Variants in RYR2 observed in about 807,000 individuals in gnomAD.
The protein encoded by RYR2 is cardiac muscle ryanodine receptor-calcium release channel.
RYR2 carries 227 observed loss-of-function variants against 601.1 expected under a neutral mutation model. The ratio of observed to expected loss-of-function variants is 0.38; its 90% confidence interval spans 0.34 to 0.42. The LOEUF is 0.42. RYR2 is among the 10% of genes least tolerant of loss of function. The pLI, the probability that RYR2 is intolerant of heterozygous loss-of-function variation, is 1.00. For synonymous variants in RYR2, 2,223 were observed against 2,175.1 expected (o/e 1.02, Z -0.61); for missense variants, 4,646 against 6,156.5 (o/e 0.75, Z 8.21).
intron 16 of RYR2, 26 bp from the exon 17 acceptor site, chr1:237,469,066 G>T (rs1320893787): frequency 1.9e-6 from 3 of 1,591,512 alleles, no homozygotes; most frequent in South Asian, 1.1e-5. Context: ...ATCACATAAA[G>T]GTGAAATCTA....
intron 10 of RYR2, among the ~76,000 whole-genome samples, chr1:237,397,858 A>G (rs531101176): frequency 6.6e-6 from 1 of 151,886 alleles, no homozygotes; most frequent in South Asian, 2.1e-4. Flanking sequence ...AGTAGCTGGG[A>G]CTACAGGCAC....
chr1:237,605,312 C>A (rs189082648), intron 35 of RYR2, among the ~76,000 whole-genome samples: 1 of 152,160 alleles, frequency 6.6e-6, no homozygotes, highest in African/African-American at 2.4e-5. Context: ...ACAGAACCAA[C>A]GACAAAAACC....
At chr1:237,085,899 G>A (rs893601750) in intron 1 of RYR2, among the ~76,000 whole-genome samples, 12 of 152,204 alleles carry the variant, frequency 7.9e-5, no homozygotes, top group African/African-American at 1.7e-4. Context: ...GACCACAGGC[G>A]TGTGCCGCTA....
chr1:237,187,173 CTTTT>C (rs71178402), intron 1 of RYR2, among the ~76,000 whole-genome samples: 2 of 146,644 alleles, frequency 1.4e-5, no homozygotes, highest in Non-Finnish European at 3.0e-5. Flanking sequence ...GTCACATAGA[CTTTT>C]TTTTTTTTTT....
intron 1 of RYR2, among the ~76,000 whole-genome samples, chr1:237,196,698 A>T (rs1010345999): frequency 1.3e-5 from 2 of 152,166 alleles, no homozygotes; most frequent in African/African-American, 4.8e-5. Flanking sequence ...ATAAGTCTTG[A>T]TGAGAAGTAC....
intron 25 of RYR2, among the ~76,000 whole-genome samples, chr1:237,540,838 A>G (rs1403580827): frequency 1.3e-5 from 2 of 152,128 alleles, no homozygotes; most frequent in African/African-American, 4.8e-5. Context: ...GTGACAGGAA[A>G]CAAGGTGATA....
Position 237,058,712 on chromosome 1 carries a change from C to T in RYR2, c.48+16143C>T, listed in dbSNP as rs112107303. Among the ~76,000 whole-genome samples the T allele has an allele frequency of 5.9e-3, 874 of 147,158 alleles. 4 individuals are homozygous for T. Among genetic ancestry groups the T allele is most frequent in the African/African-American group, 0.02 (822 of 40,242 alleles). On this transcript the variant is annotated intron_variant, in intron 1 of 104. Transcript: ENST00000366574. ...GGGCCGGATTACTTGAGCCCAGAAG[C>T]TTGAGACCAGCCTTCCTTCCTCCCC...
intron 1 of RYR2, among the ~76,000 whole-genome samples, chr1:237,148,576 A>G (rs1674344473): frequency 6.9e-6 from 1 of 144,146 alleles, no homozygotes; most frequent in African/African-American, 2.6e-5. Flanking sequence ...ATATATATAT[A>G]TACACACACA....
At chr1:237,204,402 C>T (rs528019381) in intron 1 of RYR2, among the ~76,000 whole-genome samples, 1 of 151,552 alleles carries the variant, frequency 6.6e-6, no homozygotes, top group East Asian at 1.9e-4. Context: ...TTTGAATATA[C>T]TAGAATTTAT....
At chr1:237,799,083 T>TTATC (rs1366599796) in intron 97 of RYR2, among the ~76,000 whole-genome samples, 1 of 152,196 alleles carries the variant, frequency 6.6e-6, no homozygotes, top group African/African-American at 2.4e-5. Flanking sequence ...CATATTGTTT[T>TTATC]TATCTATCTG....
intron 63 of RYR2, among the ~76,000 whole-genome samples, chr1:237,698,749 C>T (rs914259581): frequency 1.3e-5 from 2 of 152,140 alleles, no homozygotes; most frequent in Non-Finnish European, 2.9e-5. Context: ...GGCATGTCAG[C>T]TATTTGATGA....
In RYR2 at chr1:237,627,938, C is replaced by T. The variant is rs753164125; in HGVS notation, c.6298C>T (p.Arg2100Trp). ...RQYDGIGGLV[R>W]ALPKTYTING... ...GTATGACGGCATTGGGGGTCTTGTT[C>T]GGGCCCTGCCAAAGACCTACACGAT... The change falls in exon 41 of 105, where the codon CGG becomes TGG. Residue 2100 changes from arginine (R) to tryptophan (W), a missense_variant. Around this residue, in one of 17 missense-constraint regions of RYR2, gnomAD observed 170 missense variants for 184.5 expected, o/e 0.92. Transcript: ENST00000366574. The T allele has an allele frequency of 1.2e-5, 20 of 1,613,240 alleles. No individual in the cohort carries two copies. The highest frequency in any genetic ancestry group is 3.3e-5 in the Admixed American group (2 of 59,962).
chr1:237,518,919 A>G (rs1263162414), intron 24 of RYR2, among the ~76,000 whole-genome samples: 1 of 151,984 alleles, frequency 6.6e-6, no homozygotes, highest in African/African-American at 2.4e-5. Context: ...CCTCGCCAAC[A>G]TCTGTTTTTT....
At chr1:237,605,131 T>G (rs1676966816) in intron 35 of RYR2, among the ~76,000 whole-genome samples, 1 of 152,082 alleles carries the variant, frequency 6.6e-6, no homozygotes, top group Admixed American at 6.6e-5. Context: ...AAAAAGAACT[T>G]TAGACCAATA....
chr1:237,696,520 T>A (rs1428033615), intron 63 of RYR2, among the ~76,000 whole-genome samples: 2 of 149,280 alleles, frequency 1.3e-5, no homozygotes, highest in Non-Finnish European at 3.0e-5. Flanking sequence ...CTGGCTTAGA[T>A]CTCTTCCCTG....
intron 25 of RYR2, 93 bp downstream of exon 25, chr1:237,530,603 A>T: frequency 9.9e-7 from 1 of 1,011,552 alleles, no homozygotes; most frequent in Non-Finnish European, 1.5e-6. Context: ...CCTTGCTTTT[A>T]CTGAAGCTTT....
chr1:237,056,395 G>A (rs1000409966), intron 1 of RYR2, among the ~76,000 whole-genome samples: 3 of 145,170 alleles, frequency 2.1e-5, no homozygotes, highest in Non-Finnish European at 3.0e-5. Context: ...CTGGAGCACT[G>A]CACCTGTGAG....
intron 98 of RYR2, 142 bp downstream of exon 98, chr1:237,802,058 A>G (rs1216171671): frequency 2.1e-6 from 1 of 469,030 alleles, no homozygotes; most frequent in East Asian, 3.1e-5. Flanking sequence ...AGAGAGACCC[A>G]CAGAATGATA....
intron 10 of RYR2, among the ~76,000 whole-genome samples, chr1:237,413,776 C>G (rs1438923556): frequency 6.6e-6 from 1 of 151,996 alleles, no homozygotes; most frequent in African/African-American, 2.4e-5. Flanking sequence ...GTTTCTTCCT[C>G]TATTTTCTGT....
Sources: allele counts gnomAD v4.1 joint callset (sites outside exome capture counted in the v4.1 genomes callset), GRCh38; gene constraint gnomAD v4.1.1; regional missense constraint gnomAD v4.1.1; transcripts MANE v1.5; gene names NCBI Gene and HGNC (gene_info 2026-07-23, HGNC 2026-07-21).